The following CHMP1A variants were observed in gnomAD, a reference collection of about 807,000 sequenced individuals.
CHMP1A encodes VPS46 homolog A.
In CHMP1A, 17 loss-of-function variants were observed where a neutral mutation model predicts 27.0. The observed-to-expected ratio is 0.63, with a 90% confidence interval of 0.43 to 0.95. The LOEUF (loss-of-function observed/expected upper bound fraction) is 0.95, where lower values mean the gene tolerates loss of function less well. CHMP1A is among the 40% of genes least tolerant of loss of function. CHMP1A has a pLI of 0.00. For missense variants in CHMP1A, 275 were observed against 264.0 expected (o/e 1.04, Z -0.29); for synonymous variants, 131 against 107.5 (o/e 1.22, Z -1.35).
In CHMP1A at chr16:89,657,670, C is replaced by T; in HGVS notation, c.-82G>A. ...GTGTCAGGTCCCGGCGGCGATCGAA[C>T]CGACCAAGCTGCACCCGGCGGGGAC... On this transcript the variant is annotated 5_prime_UTR_variant, in exon 1 of 7. Coordinates refer to ENST00000397901, the MANE Select transcript of CHMP1A (RefSeq NM_002768.5). 2 of 1,567,110 alleles carry T rather than the reference C, an allele frequency of 1.3e-6. No homozygotes were observed. The highest frequency in any genetic ancestry group is 1.7e-6 in the Non-Finnish European group (2 of 1,146,496).
Position 89,649,392 on chromosome 16 carries a change from C to T in CHMP1A, c.211G>A (p.Ala71Thr), listed in dbSNP as rs1263980813. The part of the protein sequence containing the change: ...NWLRMASRVD[A>T]VASKVQTAVT... Reference sequence around the variant, plus strand: ...GCTGTCTGCACCTTGGAGGCCACTGCGTCTACGCGGGACGCCATCCGAAGC... The same window carrying T: ...GCTGTCTGCACCTTGGAGGCCACTGTGTCTACGCGGGACGCCATCCGAAGC... Residue 71 changes from alanine to threonine, a missense_variant, in exon 4 of 7, where the codon GCA (alanine) becomes ACA (threonine). Ala to Thr is a moderately conservative substitution (Grantham distance 58). Transcript: ENST00000397901. 3.7e-6 allele frequency: 6 copies of T among 1,613,550 alleles called. No individual in the cohort carries two copies. In the South Asian group the frequency reaches 4.4e-5, roughly 12 times the overall value.
rs555991846 is a variant in CHMP1A at position 89,654,804 on chromosome 16, G to A, written c.8-881C>T. Reference sequence around the variant, plus strand: ...AAAAAATACAAAAAATTAGCCAGGCGTGGTGGCGGGCGCCTGTAGTCCCAG... The same window carrying A: ...AAAAAATACAAAAAATTAGCCAGGCATGGTGGCGGGCGCCTGTAGTCCCAG... On this transcript the variant is annotated intron_variant, in intron 1 of 6. Coordinates refer to ENST00000397901, the MANE Select transcript of CHMP1A (RefSeq NM_002768.5). Among the ~76,000 whole-genome samples the A allele has an allele frequency of 2.1e-4, 32 of 152,144 alleles. No individual in the cohort carries two copies. The South Asian group carries it at 5.6e-3, about 27-fold the overall frequency.
chr16:89,651,458 C>G (rs1333006475), intron 3 of CHMP1A, 111 bp downstream of exon 3: 6 of 775,520 alleles, frequency 7.7e-6, no homozygotes, highest in Non-Finnish European at 1.3e-5. Flanking sequence ...GTAGAAAGTG[C>G]CCTGCCCCTC....
At chr16:89,654,266 A>G (rs1327750518) in intron 1 of CHMP1A, among the ~76,000 whole-genome samples, 1 of 152,250 alleles carries the variant, frequency 6.6e-6, no homozygotes, top group Non-Finnish European at 1.5e-5. Context: ...TTAGAATCCA[A>G]AAGATGGTGG....
Position 89,649,375 on chromosome 16 carries a change from C to T in CHMP1A, c.228G>A (p.Val76=), listed in dbSNP as rs746450008. The T allele has an allele frequency of 6.2e-7, 1 of 1,613,580 alleles. No individual in the cohort carries two copies. Among genetic ancestry groups the T allele is most frequent in the Non-Finnish European group, 8.5e-7 (1 of 1,179,752 alleles). ...ASRVDAVASK[V]QTAVTMKGVT... ...CCCCCTTCATAGTCACAGCTGTCTG[C>T]ACCTTGGAGGCCACTGCGTCTACGC... Residue 76 remains valine (V), a synonymous_variant, in exon 4 of 7, where the codon GTG becomes GTA. Transcript: ENST00000397901.
Position 89,653,622 on chromosome 16 carries a change from CAAAAAAAA to C in CHMP1A, c.27+274_27+281del, listed in dbSNP as rs5818724. On this transcript the variant is annotated intron_variant, in intron 2 of 6. Coordinates refer to ENST00000397901, the MANE Select transcript of CHMP1A (RefSeq NM_002768.5). ...TGGGCGACGGAGTGAGACGCCGTCT[CAAAAAAAA>C]AAAAAAAAAAAAAAAAGATAACACT... Among the ~76,000 whole-genome samples the C allele has an allele frequency of 7.8e-5, 4 of 51,516 alleles. 1 individual carries two copies. The highest frequency in any genetic ancestry group is 0.018 in the Middle Eastern group (2 of 114). The allele number at this position is 51,516 out of a possible 152,430, so 33.8% of individuals were successfully genotyped here.
At chr16:89,649,122 T>C (rs1188261601) in intron 4 of CHMP1A, 1 of 549,114 alleles carries the variant, frequency 1.8e-6, no homozygotes, top group African/African-American at 2.0e-5. Context: ...CCTGTGTCCC[T>C]GCCAGCATTT....
chr16:89,647,561 T>C lies in CHMP1A; in HGVS notation c.253-230A>G, dbSNP rs428232. On this transcript the variant is annotated intron_variant, in intron 4 of 6. Coordinates refer to ENST00000397901, the MANE Select transcript of CHMP1A (RefSeq NM_002768.5). ...GTCAGTGGAGAAAAGGCCGCCGACG[T>C]GGAGACCCAGTGCGGGGTCAGTGGA... 0.3 allele frequency among the ~76,000 whole-genome samples: 36,416 copies of C among 120,802 alleles called. 6,871 individuals are homozygous for C. The highest frequency in any genetic ancestry group is 0.62 in the Middle Eastern group (123 of 198). 79.3% of individuals were successfully genotyped at this position (120,802 alleles called of 152,430 possible).
chr16:89,657,649 C>A lies in CHMP1A; in HGVS notation c.-61G>T. On this transcript the variant is annotated 5_prime_UTR_variant, in exon 1 of 7. Coordinates refer to ENST00000397901, the MANE Select transcript of CHMP1A (RefSeq NM_002768.5). ...AAGGGACGCCAACTCCGGGCGGTGT[C>A]AGGTCCCGGCGGCGATCGAACCGAC... The A allele has an allele frequency of 6.2e-7, 1 of 1,605,642 alleles. No homozygotes were observed. Among genetic ancestry groups the A allele is most frequent in the Non-Finnish European group, 8.5e-7 (1 of 1,177,050 alleles).
At position 89,657,665 on chromosome 16, in the gene CHMP1A, TCGAACCGACCAAGCTGCACC is replaced by T; in HGVS notation, c.-97_-78del. On this transcript the variant is annotated 5_prime_UTR_variant, in exon 1 of 7. Transcript: ENST00000397901. ...GGGCGGTGTCAGGTCCCGGCGGCGATCGAACCGACCAAGCTGCACCCGGCGGGGACTTCCGGGGTCGCCGC... is the reference window on the plus strand; with the variant it reads ...GGGCGGTGTCAGGTCCCGGCGGCGATCGGCGGGGACTTCCGGGGTCGCCGC... 2 of 1,599,268 alleles carry T rather than the reference TCGAACCGACCAAGCTGCACC, an allele frequency of 1.3e-6. No individual in the cohort carries two copies. The highest frequency in any genetic ancestry group is 1.7e-6 in the Non-Finnish European group (2 of 1,174,134).
chr16:89,646,126 A>T (rs531045834), intron 6 of CHMP1A, 39 bp from the exon 7 acceptor site: 2 of 1,511,844 alleles, frequency 1.3e-6, no homozygotes, highest in East Asian at 4.6e-5. Context: ...GGGCAGGGGA[A>T]GGGGGCCTCT....
In CHMP1A at chr16:89,647,103, G is replaced by A. The variant is rs565301390; in HGVS notation, c.381+100C>T. On this transcript the variant is annotated intron_variant, in intron 5 of 6. Coordinates refer to ENST00000397901, the MANE Select transcript of CHMP1A (RefSeq NM_002768.5). Reference sequence around the variant, plus strand: ...GACGTCAGGGAGCAACCACAGGTATGCAGAGACAGCACGTCAGCCTGTGAG... The same window carrying A: ...GACGTCAGGGAGCAACCACAGGTATACAGAGACAGCACGTCAGCCTGTGAG... The A allele has an allele frequency of 4.5e-6, 7 of 1,541,970 alleles. No individual in the cohort carries two copies. The East Asian group carries it at 7.3e-5, about 16-fold the overall frequency.
chr16:89,657,461 C>G (rs2059893513), intron 1 of CHMP1A, 121 bp downstream of exon 1: 1 of 1,247,880 alleles, frequency 8.0e-7, no homozygotes, highest in Non-Finnish European at 1.1e-6. Flanking sequence ...GGGGGATCGA[C>G]GGTCGAGGCC....
At chr16:89,650,581 G>C (rs2059816541) in intron 3 of CHMP1A, among the ~76,000 whole-genome samples, 3 of 152,194 alleles carry the variant, frequency 2.0e-5, no homozygotes, top group African/African-American at 7.2e-5. Context: ...TGAGGCAGGT[G>C]GATCACCTGA....
chr16:89,649,176 C>T (rs1370989004), intron 4 of CHMP1A, 175 bp downstream of exon 4: 2 of 358,702 alleles, frequency 5.6e-6, no homozygotes, highest in East Asian at 4.7e-5. Context: ...CCCCACCCCA[C>T]GCTGATCCAG....
rs1430511741 is a variant in CHMP1A at position 89,657,638 on chromosome 16, C to T, written c.-50G>A. ...CGGAGAGGGAGAAGGGACGCCAACTCCGGGCGGTGTCAGGTCCCGGCGGCG... is the reference window on the plus strand; with the variant it reads ...CGGAGAGGGAGAAGGGACGCCAACTTCGGGCGGTGTCAGGTCCCGGCGGCG... On this transcript the variant is annotated 5_prime_UTR_variant, in exon 1 of 7. Coordinates refer to ENST00000397901, the MANE Select transcript of CHMP1A (RefSeq NM_002768.5). 2 of 1,608,024 alleles carry T rather than the reference C, an allele frequency of 1.2e-6. No individual in the cohort carries two copies. Among genetic ancestry groups the T allele is most frequent in the Non-Finnish European group, 1.7e-6 (2 of 1,178,124 alleles).
At position 89,657,577 on chromosome 16, in the gene CHMP1A, C is replaced by T. The variant is rs774098637; in HGVS notation, c.7+5G>A. On this transcript the variant is annotated splice_donor_5th_base_variant and intron_variant, in intron 1 of 6. Coordinates refer to ENST00000397901, the MANE Select transcript of CHMP1A (RefSeq NM_002768.5). The stretch of plus-strand genomic sequence containing the variant: ...AGTCCCCGGAGGACGGCCGCGACCT[C>T]TTACCGTCCATGGCCACAATGACAG... 3 of 1,611,046 alleles carry T rather than the reference C, an allele frequency of 1.9e-6. No homozygotes were observed. The highest frequency in any genetic ancestry group is 1.3e-5 in the African/African-American group (1 of 74,758).
chr16:89,657,663 G>T lies in CHMP1A; in HGVS notation c.-75C>A, dbSNP rs2059897148. The T allele has an allele frequency of 1.3e-6, 2 of 1,599,528 alleles. No homozygotes were observed. Among genetic ancestry groups the T allele is most frequent in the Non-Finnish European group, 1.7e-6 (2 of 1,174,198 alleles). On this transcript the variant is annotated 5_prime_UTR_variant, in exon 1 of 7. Coordinates refer to ENST00000397901, the MANE Select transcript of CHMP1A (RefSeq NM_002768.5). ...CCGGGCGGTGTCAGGTCCCGGCGGC[G>T]ATCGAACCGACCAAGCTGCACCCGG... is the stretch of plus-strand genomic sequence containing the variant.
intron 4 of CHMP1A, 39 bp downstream of exon 4, chr16:89,649,312 G>A (rs1017245947): frequency 3.8e-6 from 6 of 1,596,820 alleles, no homozygotes; most frequent in Non-Finnish European, 5.1e-6. Context: ...GCTTCAGCCA[G>A]CGAACGCCAC....
Sources: allele counts gnomAD v4.1 joint callset (sites outside exome capture counted in the v4.1 genomes callset), GRCh38; gene constraint gnomAD v4.1.1; transcripts MANE v1.5; gene names NCBI Gene and HGNC (gene_info 2026-07-23, HGNC 2026-07-21).